RAB10: variants seen among roughly 807,000 people sequenced by gnomAD.
RAB10 encodes ras-related protein Rab-10.
RAB10 carries 5 observed loss-of-function variants against 25.7 expected under a neutral mutation model. The observed-to-expected ratio is 0.19, with a 90% CI of 0.10 to 0.41. The LOEUF is 0.41. Ranked by LOEUF, RAB10 falls within the 10% of genes least tolerant of loss-of-function variation. The pLI is 1.00. For missense variants in RAB10, 103 were observed against 245.8 expected, an observed-to-expected ratio of 0.42 and a Z score of 3.89; for synonymous variants, 89 against 86.4, an observed-to-expected ratio of 1.03 and a Z score of -0.16.
chr2:26,109,923 G>A lies in RAB10; in HGVS notation c.327+17G>A. On this transcript the variant is annotated intron_variant, in intron 3 of 5. Transcript: ENST00000264710. ...ATAGATGAGGTAAGACCTAGAACTT[G>A]TATAAACCCTTCATGAACACACATT... 2 of 1,564,630 alleles carry A rather than the reference G, an allele frequency of 1.3e-6. No individual in the cohort carries two copies. Among genetic ancestry groups the A allele is most frequent in the Non-Finnish European group, 1.7e-6 (2 of 1,159,266 alleles).
chr2:26,114,171 T>C (rs1471616281), intron 3 of RAB10, among the ~76,000 whole-genome samples: 1 of 152,174 alleles, frequency 6.6e-6, no homozygotes, highest in Non-Finnish European at 1.5e-5. Context: ...TCTACAGATT[T>C]AGTGCAATCC....
chr2:26,083,019 A>G (rs1398458916), intron 1 of RAB10, among the ~76,000 whole-genome samples: 3 of 152,228 alleles, frequency 2.0e-5, no homozygotes, highest in African/African-American at 7.2e-5. Context: ...TAGACAAAGC[A>G]TTTGATGAAA....
chr2:26,041,194 C>T (rs1344549998), intron 1 of RAB10, among the ~76,000 whole-genome samples: 3 of 151,992 alleles, frequency 2.0e-5, no homozygotes, highest in Admixed American at 6.6e-5. Context: ...AAAATTTTTC[C>T]TTTTTACCTA....
chr2:26,089,105 G>GA lies in RAB10; in HGVS notation c.128-9557_128-9556insA, dbSNP rs1667049869. Among the ~76,000 whole-genome samples, 4 of 152,084 alleles carry GA rather than the reference G, an allele frequency of 2.6e-5. No homozygotes were observed. The East Asian group carries it at 7.7e-4, about 29-fold the overall frequency. On this transcript the variant is annotated intron_variant, in intron 1 of 5. Transcript: ENST00000264710. ...GACTGGAGAGGTGGCTTGGGGCCATGCTCAGAAATATATTTATTCATAGAG... is the reference window on the plus strand; with the variant it reads ...GACTGGAGAGGTGGCTTGGGGCCATGACTCAGAAATATATTTATTCATAGAG...
chr2:26,035,691 GCT>G (rs2149259314), intron 1 of RAB10, among the ~76,000 whole-genome samples: 1 of 152,256 alleles, frequency 6.6e-6, no homozygotes, highest in South Asian at 2.1e-4. Context: ...AAGACACATG[GCT>G]CTCAGCATTG....
chr2:26,127,228 G>A lies in RAB10; in HGVS notation c.412G>A (p.Glu138Lys). 1 of 1,587,124 alleles carries A rather than the reference G, an allele frequency of 6.3e-7. No homozygotes were observed. Among genetic ancestry groups the A allele is most frequent in the Non-Finnish European group, 8.6e-7 (1 of 1,165,874 alleles). Reference sequence around the variant, plus strand: ...AAGAGTTGTACCTAAAGGAAAAGGAGAACAGGTAAAAATCTGAATTAAACT... The same window carrying A: ...AAGAGTTGTACCTAAAGGAAAAGGAAAACAGGTAAAAATCTGAATTAAACT... ...DKRVVPKGKGEQIAREHGIRF... is the reference protein window; with the variant it reads ...DKRVVPKGKGKQIAREHGIRF... The change falls in exon 4 of 6, where the codon GAA becomes AAA. Residue 138 changes from glutamate to lysine, a missense_variant. Physicochemically the swap from Glu to Lys is moderately conservative, Grantham distance 56. Coordinates refer to ENST00000264710, the MANE Select transcript of RAB10 (RefSeq NM_016131.5).
Position 26,135,121 on chromosome 2 carries a change from T to C in RAB10, c.*100T>C. 1 of 924,632 alleles carries C rather than the reference T, an allele frequency of 1.1e-6. No homozygotes were observed. The highest frequency in any genetic ancestry group is 1.6e-6 in the Non-Finnish European group (1 of 634,830). 57.3% of individuals were successfully genotyped at this position (924,632 alleles called of 1,614,324 possible). A position where few individuals can be genotyped will look rare whatever the true frequency, so the allele number is the denominator to read the frequency against. ...ATTTTTAACTCTAAACAGATATTTTTGTTTCTCATCTTAACTATCCAAGCC... is the reference window on the plus strand; with the variant it reads ...ATTTTTAACTCTAAACAGATATTTTCGTTTCTCATCTTAACTATCCAAGCC... On this transcript the variant is annotated 3_prime_UTR_variant, in exon 6 of 6. Coordinates refer to ENST00000264710, the MANE Select transcript of RAB10 (RefSeq NM_016131.5).
In RAB10 at chr2:26,034,642, C is replaced by A. The variant is rs753607232; in HGVS notation, c.34C>A (p.Leu12Met). ...AKKTYDLLFKLLLIGDSGVGK... is the reference protein window; with the variant it reads ...AKKTYDLLFKMLLIGDSGVGK... ...GAAGACGTACGACCTGCTTTTCAAG[C>A]TGCTCCTGATCGGGGATTCCGGAGT... Residue 12 changes from leucine to methionine, a missense_variant, in exon 1 of 6, where the codon CTG becomes ATG. Coordinates refer to ENST00000264710, the MANE Select transcript of RAB10 (RefSeq NM_016131.5). The A allele has an allele frequency of 6.2e-7, 1 of 1,614,174 alleles. No homozygotes were observed. Among genetic ancestry groups the A allele is most frequent in the Non-Finnish European group, 8.5e-7 (1 of 1,180,052 alleles).
intron 1 of RAB10, among the ~76,000 whole-genome samples, chr2:26,048,685 G>C (rs1213047180): frequency 6.6e-6 from 1 of 151,988 alleles, no homozygotes; most frequent in African/African-American, 2.4e-5. Context: ...GACTAGCTTG[G>C]GCAACATGGC....
intron 1 of RAB10, among the ~76,000 whole-genome samples, chr2:26,049,954 T>TCA: frequency 6.6e-6 from 1 of 152,198 alleles, no homozygotes; most frequent in Non-Finnish European, 1.5e-5. Flanking sequence ...TGGTTTCTGT[T>TCA]GTTTTCCTGG....
intron 1 of RAB10, among the ~76,000 whole-genome samples, chr2:26,097,578 A>T (rs989120650): frequency 1.4e-4 from 22 of 152,154 alleles, no homozygotes; most frequent in African/African-American, 5.3e-4. Flanking sequence ...GTGCCTGGCA[A>T]CTTCAATACT....
At chr2:26,064,940 C>G (rs1043075800) in intron 1 of RAB10, among the ~76,000 whole-genome samples, 3 of 152,168 alleles carry the variant, frequency 2.0e-5, no homozygotes, top group African/African-American at 7.2e-5. Context: ...TACCTGTAAT[C>G]CCAGCCACTC....
rs1211660024 is a variant in RAB10, at chr2:26,092,174, A to G, written c.128-6488A>G. ...ATGAAAGAGTGAGACTGTGTCTCAG[A>G]AAAAAAAAAAAAGAAAAAAGATCAG... On this transcript the variant is annotated intron_variant, in intron 1 of 5. Coordinates refer to ENST00000264710, the MANE Select transcript of RAB10 (RefSeq NM_016131.5). Among the ~76,000 whole-genome samples the G allele has an allele frequency of 1.1e-4, 16 of 142,234 alleles. No individual in the cohort carries two copies. The East Asian group carries it at 2.4e-3, about 21-fold the overall frequency. 93.3% of individuals were successfully genotyped at this position (142,234 alleles called of 152,430 possible).
rs1470570787 is a variant in RAB10, at chr2:26,034,471, C to T, written c.-138C>T. 15 of 1,180,674 alleles carry T rather than the reference C, an allele frequency of 1.3e-5. No homozygotes were observed. Among genetic ancestry groups the T allele is most frequent in the Non-Finnish European group, 1.6e-5 (14 of 852,616 alleles). The allele number at this position is 1,180,674 out of a possible 1,614,324, so 73.1% of individuals were successfully genotyped here. A position where few individuals can be genotyped will look rare whatever the true frequency, so the allele number is the denominator to read the frequency against. ...GGCTTCCTCAAAGCTGTTCGTAGGT[C>T]GCCCGCGCCGTCTCGAGCCTTTTTC... On this transcript the variant is annotated 5_prime_UTR_variant, in exon 1 of 6. Coordinates refer to ENST00000264710, the MANE Select transcript of RAB10 (RefSeq NM_016131.5).
chr2:26,134,484 T>TGAGG (rs1668068850), intron 5 of RAB10, among the ~76,000 whole-genome samples: 1 of 152,176 alleles, frequency 6.6e-6, no homozygotes, highest in Non-Finnish European at 1.5e-5. Context: ...CTTAATCAGT[T>TGAGG]GAGGTTGCCT....
intron 1 of RAB10, among the ~76,000 whole-genome samples, chr2:26,054,615 T>C (rs1405197546): frequency 6.6e-6 from 1 of 152,246 alleles, no homozygotes; most frequent in Non-Finnish European, 1.5e-5. Flanking sequence ...AGAATAGTTG[T>C]TCAAACATTA....
At chr2:26,058,701 T>C (rs1336878941) in intron 1 of RAB10, among the ~76,000 whole-genome samples, 1 of 152,234 alleles carries the variant, frequency 6.6e-6, no homozygotes, top group Non-Finnish European at 1.5e-5. Context: ...CGCTTGTTGT[T>C]CTCTGGCTGT....
chr2:26,107,792 A>G (rs77132538), intron 2 of RAB10, among the ~76,000 whole-genome samples: 18,065 of 151,516 alleles, frequency 0.12, 1,258 homozygotes, highest in African/African-American at 0.2. Context: ...TCGAAACTCT[A>G]TCTCAAAAAA....
At chr2:26,110,950 C>G (rs1432905719) in intron 3 of RAB10, among the ~76,000 whole-genome samples, 1 of 152,166 alleles carries the variant, frequency 6.6e-6, no homozygotes, top group Non-Finnish European at 1.5e-5. Context: ...AAGTGATCTG[C>G]CCACCTTGGC....
Sources: allele counts gnomAD v4.1 joint callset (sites outside exome capture counted in the v4.1 genomes callset), GRCh38; gene constraint gnomAD v4.1.1; transcripts MANE v1.5; gene names NCBI Gene and HGNC (gene_info 2026-07-23, HGNC 2026-07-21).